GCKR: variants seen among roughly 807,000 people sequenced by gnomAD.
GCKR encodes glucokinase regulator.
GCKR carries 73 observed loss-of-function variants against 82.9 expected under a neutral mutation model. The ratio of observed to expected loss-of-function variants is 0.88; its 90% CI spans 0.73 to 1.07. The LOEUF (loss-of-function observed/expected upper bound fraction) is 1.07. Among genes scored for constraint, GCKR ranks in the 50% least tolerant of loss-of-function variants. The probability of loss-of-function intolerance (pLI) is 0.00; values close to 1 mark genes in which losing one functional copy is unlikely to be tolerated. For synonymous variants in GCKR, 294 were observed against 291.8 expected, an observed-to-expected ratio of 1.01 and a Z score of -0.08; for missense variants, 784 against 782.1, an observed-to-expected ratio of 1.00 and a Z score of -0.03.
Position 27,518,005 on chromosome 2 carries a change from T to C in GCKR, c.1423-783T>C, listed in dbSNP as rs6744137. On this transcript the variant is annotated intron_variant, in intron 16 of 18. Transcript: ENST00000264717. ...AATGAGGATAGGTAAACTTATTCTGTAGGGCTGTTAGAAAAATTAAATAGA... is the reference window on the plus strand; with the variant it reads ...AATGAGGATAGGTAAACTTATTCTGCAGGGCTGTTAGAAAAATTAAATAGA... Among the ~76,000 whole-genome samples, 384 of 152,332 alleles carry C rather than the reference T, an allele frequency of 2.5e-3. 5 individuals are homozygous for C. The highest frequency in any genetic ancestry group is 8.8e-3 in the African/African-American group (365 of 41,588).
At chr2:27,497,011 TA>T (rs1260772103) in intron 1 of GCKR, 47 bp downstream of exon 1, 1 of 1,490,524 alleles carries the variant, frequency 6.7e-7, no homozygotes, top group Non-Finnish European at 9.4e-7. Flanking sequence ...TTCCTAGAAT[TA>T]TTTTTCATCC....
chr2:27,521,573 C>G (rs1271348250), intron 17 of GCKR, among the ~76,000 whole-genome samples: 1 of 147,754 alleles, frequency 6.8e-6, no homozygotes, highest in African/African-American at 2.5e-5. Flanking sequence ...CAACTCCTGA[C>G]CTTGTGATCC....
In GCKR at chr2:27,522,545, G is replaced by C. The variant is rs200860838; in HGVS notation, c.1658G>C (p.Arg553Pro). The stretch of plus-strand genomic sequence containing the variant: ...CCCCAGCCACTGTCAGATGATATTC[G>C]GGCTGCTCCCATCTCCTGCCATGTC... ...HFPQPLSDDI[R>P]AAPISCHVQV... The change falls in exon 18 of 19, where the codon CGG becomes CCG. Residue 553 changes from arginine to proline, a missense_variant. Physicochemically the swap from Arg to Pro is moderately radical, Grantham distance 103 (BLOSUM62 -2). Transcript: ENST00000264717. 6.2e-7 allele frequency: 1 copy of C among 1,613,946 alleles called. No homozygotes were observed. Among genetic ancestry groups the C allele is most frequent in the Non-Finnish European group, 8.5e-7 (1 of 1,179,884 alleles).
chr2:27,508,241 A>C lies in GCKR; in HGVS notation c.1412A>C (p.Asn471Thr), dbSNP rs750946920. 1 of 1,588,654 alleles carries C rather than the reference A, an allele frequency of 6.3e-7. No homozygotes were observed. The highest frequency in any genetic ancestry group is 1.7e-5 in the Admixed American group (1 of 59,980). ...CTGCTTTTCTTTGAATATGAAGGGA[A>C]CTTCATCCAGGTATGGGGAATGAGA... Reference protein sequence around the residue: ...WPLLFFEYEGNFIQKFQRELS... With the variant: ...WPLLFFEYEGTFIQKFQRELS... Residue 471 changes from asparagine to threonine, a missense_variant, in exon 16 of 19, where the codon AAC becomes ACC. By Grantham distance (65) the Asn-to-Thr change is moderately conservative. Transcript: ENST00000264717.
chr2:27,506,971 C>T (rs1669763855), intron 12 of GCKR, 86 bp downstream of exon 12: 1 of 907,702 alleles, frequency 1.1e-6, no homozygotes, highest in Non-Finnish European at 1.9e-6. Context: ...TACTCCCAAC[C>T]CATGGGTGTT....
chr2:27,505,618 G>C, intron 9 of GCKR, 100 bp from the exon 10 acceptor site: 1 of 741,228 alleles, frequency 1.3e-6, no homozygotes, highest in South Asian at 1.4e-5. Context: ...CACACTGGGG[G>C]CCACTGGTAC....
At chr2:27,501,656 C>A (rs1282542292) in intron 8 of GCKR, 1 of 462,192 alleles carries the variant, frequency 2.2e-6, no homozygotes, top group Admixed American at 2.4e-5. Flanking sequence ...GTCCAGTTCC[C>A]TTATTTAGTG....
chr2:27,497,509 C>T, intron 2 of GCKR, 53 bp from the exon 3 acceptor site: 1 of 1,559,136 alleles, frequency 6.4e-7, no homozygotes, highest in African/African-American at 1.4e-5. Flanking sequence ...GACCCCCTCC[C>T]CCATTCATCG....
In GCKR at chr2:27,518,811, C is replaced by A; in HGVS notation, c.1446C>A (p.Thr482=). The change falls in exon 17 of 19, where the codon ACC becomes ACA. Residue 482 remains threonine, a synonymous_variant. Transcript: ENST00000264717. Reference sequence around the variant, plus strand: ...AGAAGTTCCAGCGTGAGCTAAGCACCAAATGGGTGCTGAATACAGTGAGTA... The same window carrying A: ...AGAAGTTCCAGCGTGAGCTAAGCACAAAATGGGTGCTGAATACAGTGAGTA... ...FIQKFQRELS[T]KWVLNTVSTG... 6.2e-7 allele frequency: 1 copy of A among 1,613,500 alleles called. No individual in the cohort carries two copies. The highest frequency in any genetic ancestry group is 2.2e-5 in the East Asian group (1 of 44,884).
At chr2:27,520,691 T>C (rs777489567) in intron 17 of GCKR, among the ~76,000 whole-genome samples, 2 of 152,212 alleles carry the variant, frequency 1.3e-5, no homozygotes, top group Non-Finnish European at 2.9e-5. Context: ...AACTTTAATA[T>C]TTTGGTAGGA....
intron 17 of GCKR, among the ~76,000 whole-genome samples, chr2:27,520,556 G>A (rs11681351): frequency 0.36 from 54,776 of 152,120 alleles, 10,316 homozygotes; most frequent in South Asian, 0.46. Flanking sequence ...GACCTGCGCT[G>A]TCCAAAACAT....
intron 17 of GCKR, among the ~76,000 whole-genome samples, chr2:27,521,061 T>C (rs1670139782): frequency 6.6e-6 from 1 of 151,366 alleles, no homozygotes; most frequent in South Asian, 2.1e-4. Context: ...AAAATTAAAA[T>C]TAAAAAAAGC....
chr2:27,509,679 C>T (rs1669833628), intron 16 of GCKR: 2 of 183,586 alleles, frequency 1.1e-5, no homozygotes, highest in African/African-American at 2.4e-5. Context: ...TTCATTTTAA[C>T]AGCCATACAT....
Position 27,507,663 on chromosome 2 carries a change from C to T in GCKR, c.1144-18C>T. ...AGTGTTTTCATGGGAGGGACCCTCCCATCTTCTTCTGCCCCAGGGTCCCCA... is the reference window on the plus strand; with the variant it reads ...AGTGTTTTCATGGGAGGGACCCTCCTATCTTCTTCTGCCCCAGGGTCCCCA... On this transcript the variant is annotated intron_variant, in intron 13 of 18. Coordinates refer to ENST00000264717, the MANE Select transcript of GCKR (RefSeq NM_001486.4). 1 of 1,378,398 alleles carries T rather than the reference C, an allele frequency of 7.3e-7. No individual in the cohort carries two copies. The allele number at this position is 1,378,398 out of a possible 1,614,324, so 85.4% of individuals were successfully genotyped here. A position where few individuals can be genotyped will look rare whatever the true frequency, so the allele number is the denominator to read the frequency against.
chr2:27,503,993 T>A (rs531653121), intron 9 of GCKR, among the ~76,000 whole-genome samples: 1 of 152,376 alleles, frequency 6.6e-6, no homozygotes, highest in Non-Finnish European at 1.5e-5. Flanking sequence ...TGGGGTGCAG[T>A]TTTGTTTCAT....
intron 1 of GCKR, 40 bp downstream of exon 1, chr2:27,497,004 C>A: frequency 6.6e-7 from 1 of 1,522,908 alleles, no homozygotes; most frequent in Non-Finnish European, 9.1e-7. Context: ...GTGCTGATTC[C>A]TAGAATTATT....
At chr2:27,521,783 G>C (rs1371298422) in intron 17 of GCKR, among the ~76,000 whole-genome samples, 1 of 151,582 alleles carries the variant, frequency 6.6e-6, no homozygotes. Context: ...CAGTGCATTG[G>C]CACCATCCGG....
chr2:27,521,863 T>A (rs1281749488), intron 17 of GCKR, among the ~76,000 whole-genome samples: 1 of 152,034 alleles, frequency 6.6e-6, no homozygotes, highest in African/African-American at 2.4e-5. Flanking sequence ...GCTGGGACGA[T>A]AGGCAGGTGC....
chr2:27,501,619 G>A, intron 8 of GCKR: 2 of 420,660 alleles, frequency 4.8e-6, no homozygotes, highest in Admixed American at 5.9e-5. Context: ...GTAGTAGTGG[G>A]TGCCAGATGG....
Sources: allele counts gnomAD v4.1 joint callset (sites outside exome capture counted in the v4.1 genomes callset), GRCh38; gene constraint gnomAD v4.1.1; transcripts MANE v1.5; gene names NCBI Gene and HGNC (gene_info 2026-07-23, HGNC 2026-07-21).